The following ZNF341 variants were observed in gnomAD, a reference collection of about 807,000 sequenced individuals.
ZNF341 encodes zinc finger protein 341.
A neutral mutation model predicts 87.7 loss-of-function variants in ZNF341; 52 were observed. That is an observed-to-expected ratio of 0.59 (90% CI 0.47 to 0.75). ZNF341 has a LOEUF of 0.75. Among genes scored for constraint, ZNF341 ranks in the 30% least tolerant of loss-of-function variants. The probability of loss-of-function intolerance (pLI) is 0.00; values close to 1 mark genes in which losing one functional copy is unlikely to be tolerated. For missense variants in ZNF341, 977 were observed against 1,145.9 expected (o/e 0.85, Z 2.13); for synonymous variants, 459 against 472.7 (o/e 0.97, Z 0.38).
chr20:33,788,572 C>T (rs1347763731), intron 12 of ZNF341: 2 of 444,956 alleles, frequency 4.5e-6, no homozygotes, highest in Non-Finnish European at 8.4e-6. Context: ...AAACGCACTC[C>T]TGCCTCAGGG....
chr20:33,783,689 G>T, intron 11 of ZNF341, 43 bp from the exon 12 acceptor site: 1 of 1,612,942 alleles, frequency 6.2e-7, no homozygotes, highest in Non-Finnish European at 8.5e-7. Flanking sequence ...CCAGGGGAGG[G>T]GGGCCCGGTG....
chr20:33,760,546 T>G (rs1283761265), intron 7 of ZNF341, among the ~76,000 whole-genome samples: 1 of 151,714 alleles, frequency 6.6e-6, no homozygotes, highest in African/African-American at 2.4e-5. Flanking sequence ...ATGAATTTAA[T>G]TTTTTTTTGT....
At chr20:33,774,770 C>A (rs2019597332) in intron 10 of ZNF341, among the ~76,000 whole-genome samples, 1 of 152,130 alleles carries the variant, frequency 6.6e-6, no homozygotes, top group Non-Finnish European at 1.5e-5. Flanking sequence ...GAGTTCAAAA[C>A]CAGCCTGAGC....
At chr20:33,782,894 G>A (rs1422616403) in intron 11 of ZNF341, among the ~76,000 whole-genome samples, 2 of 152,278 alleles carry the variant, frequency 1.3e-5, no homozygotes, top group South Asian at 2.1e-4. Context: ...GGTGGTGGGC[G>A]CCTGTAATCC....
In ZNF341 at chr20:33,791,728, G is replaced by C; in HGVS notation, c.*211G>C. On this transcript the variant is annotated 3_prime_UTR_variant, in exon 15 of 15. Transcript: ENST00000375200. ...GCCCTGCAACATTCTAGGGTTGGGGGCAGGGCCATCCACGGTTTCTGGGCA... is the reference window on the plus strand; with the variant it reads ...GCCCTGCAACATTCTAGGGTTGGGGCCAGGGCCATCCACGGTTTCTGGGCA... 3 of 548,464 alleles carry C rather than the reference G, an allele frequency of 5.5e-6. No individual in the cohort carries two copies. Among genetic ancestry groups the C allele is most frequent in the Non-Finnish European group, 9.3e-6 (3 of 321,330 alleles). The allele number at this position is 548,464 out of a possible 1,614,324, so 34.0% of individuals were successfully genotyped here.
rs565264399 is a variant in ZNF341, at chr20:33,753,907, G to A, written c.741+484G>A. On this transcript the variant is annotated intron_variant, in intron 5 of 14. Transcript: ENST00000375200. ...GGTCAGCTAGACAACTGCGGATCTT[G>A]GCTGGGCTCACTCATATGTCTGAAC... Among the ~76,000 whole-genome samples the A allele has an allele frequency of 5.9e-5, 9 of 152,254 alleles. No homozygotes were observed. The South Asian group carries it at 1.7e-3, about 28-fold the overall frequency.
chr20:33,735,937 A>C (rs1347597642), intron 1 of ZNF341, among the ~76,000 whole-genome samples: 1 of 151,990 alleles, frequency 6.6e-6, no homozygotes, highest in African/African-American at 2.4e-5. Context: ...AGTGTATACC[A>C]TTGAGATGGG....
chr20:33,747,539 C>T (rs1295810104), intron 3 of ZNF341, among the ~76,000 whole-genome samples: 1 of 116,980 alleles, frequency 8.5e-6, no homozygotes, highest in Non-Finnish European at 1.6e-5. Flanking sequence ...GGCGTGGACC[C>T]GGGAGGCGGA....
chr20:33,737,189 G>A (rs955534438), intron 1 of ZNF341, among the ~76,000 whole-genome samples: 5 of 152,048 alleles, frequency 3.3e-5, no homozygotes, highest in Admixed American at 6.6e-5. Context: ...ATCAAGACAG[G>A]GGAATTGCGA....
chr20:33,752,115 C>CA (rs1265794028), intron 4 of ZNF341: 1 of 389,218 alleles, frequency 2.6e-6, no homozygotes. Context: ...CAAGCCCCCC[C>CA]CCCTTTTTTT....
rs778346098 is a variant in ZNF341 at position 33,788,886 on chromosome 20, G to A, written c.1876G>A (p.Val626Met). ...AGGTGAGAAGCCCTACAAATGCTCAGTGTGCGAGTCTGCGTTCAACCGCAA... is the reference window on the plus strand; with the variant it reads ...AGGTGAGAAGCCCTACAAATGCTCAATGTGCGAGTCTGCGTTCAACCGCAA... Reference protein sequence around the residue: ...HSGEKPYKCSVCESAFNRKDK... With the variant: ...HSGEKPYKCSMCESAFNRKDK... The change falls in exon 13 of 15, where the codon GTG becomes ATG. Residue 626 changes from valine (V) to methionine (M), a missense_variant. By Grantham distance (21) the Val-to-Met change is conservative. Around this residue, in one of 3 missense-constraint regions of ZNF341, gnomAD observed 241 missense variants for 335.0 expected, o/e 0.72. Transcript: ENST00000375200. The A allele has an allele frequency of 1.2e-5, 20 of 1,614,000 alleles. No homozygotes were observed. Among genetic ancestry groups the A allele is most frequent in the Non-Finnish European group, 1.7e-5 (20 of 1,180,030 alleles).
intron 11 of ZNF341, 48 bp from the exon 12 acceptor site, chr20:33,783,684 G>A (rs759155047): frequency 6.2e-7 from 1 of 1,612,708 alleles, no homozygotes; most frequent in South Asian, 1.1e-5. Context: ...GATGGCCAGG[G>A]GAGGGGGGCC....
At chr20:33,767,699 G>A (rs1443371388) in intron 9 of ZNF341, among the ~76,000 whole-genome samples, 2 of 151,516 alleles carry the variant, frequency 1.3e-5, no homozygotes, top group Middle Eastern at 3.4e-3. Context: ...TCTTTTTGGT[G>A]AAACCCAGTA....
intron 2 of ZNF341, among the ~76,000 whole-genome samples, chr20:33,742,644 A>T (rs1160387950): frequency 6.6e-6 from 1 of 151,554 alleles, no homozygotes; most frequent in Non-Finnish European, 1.5e-5. Flanking sequence ...TAAAAAAAAA[A>T]AATAGAGATA....
At chr20:33,735,908 T>C (rs926563850) in intron 1 of ZNF341, among the ~76,000 whole-genome samples, 2 of 152,024 alleles carry the variant, frequency 1.3e-5, no homozygotes, top group Admixed American at 6.6e-5. Context: ...TCAAGAATAC[T>C]ATATAAATGA....
At chr20:33,764,785 A>G (rs76824270) in intron 8 of ZNF341, among the ~76,000 whole-genome samples, 3,162 of 151,282 alleles carry the variant, frequency 0.021, 107 homozygotes, top group African/African-American at 0.072. Context: ...CTTATAGCAC[A>G]TCTGGATATG....
intron 10 of ZNF341, among the ~76,000 whole-genome samples, chr20:33,777,142 C>T (rs1202192831): frequency 1.3e-4 from 17 of 130,448 alleles, no homozygotes; most frequent in Middle Eastern, 4.3e-3. Flanking sequence ...GGCAAAACCC[C>T]GTCTTTACCA....
rs183421677 is a variant in ZNF341, at chr20:33,788,346, A to G, written c.1853-517A>G. ...AGGTAGGAGGATTGCTTGAACCCAG[A>G]AGGCAGAGGTTGCAGTGACTCACCT... On this transcript the variant is annotated intron_variant, in intron 12 of 14. Transcript: ENST00000375200. 1,132 of 169,496 alleles carry G rather than the reference A, an allele frequency of 6.7e-3. 15 individuals carry two copies. The highest frequency in any genetic ancestry group is 0.032 in the Admixed American group (546 of 17,218). The allele number at this position is 169,496 out of a possible 1,614,324, so 10.5% of individuals were successfully genotyped here. A position where few individuals can be genotyped will look rare whatever the true frequency, so the allele number is the denominator to read the frequency against.
intron 4 of ZNF341, among the ~76,000 whole-genome samples, chr20:33,750,614 G>A (rs1233931744): frequency 2.7e-5 from 4 of 150,478 alleles, no homozygotes; most frequent in African/African-American, 7.4e-5. Context: ...CATACATGGT[G>A]CCAACATACT....
Sources: allele counts gnomAD v4.1 joint callset (sites outside exome capture counted in the v4.1 genomes callset), GRCh38; gene constraint gnomAD v4.1.1; regional missense constraint gnomAD v4.1.1; transcripts MANE v1.5; gene names NCBI Gene and HGNC (gene_info 2026-07-23, HGNC 2026-07-21).